Variants in IMMP2L observed in about 807,000 individuals in gnomAD.
The protein encoded by IMMP2L is mitochondrial inner membrane protease subunit 2.
A neutral mutation model predicts 19.3 loss-of-function variants in IMMP2L; 18 were observed. That is an observed-to-expected ratio of 0.93 (90% CI 0.64 to 1.38). The LOEUF (loss-of-function observed/expected upper bound fraction) is 1.38, where lower values mean the gene tolerates loss of function less well. Among genes scored for constraint, IMMP2L ranks in the 40% most tolerant of loss-of-function variants. The pLI is 0.00. For missense variants in IMMP2L, 233 were observed against 218.2 expected (o/e 1.07, Z -0.43); for synonymous variants, 76 against 73.0 (o/e 1.04, Z -0.21).
intron 2 of IMMP2L, among the ~76,000 whole-genome samples, chr7:111,494,136 C>T (rs978658036): frequency 5.3e-5 from 8 of 152,064 alleles, no homozygotes; most frequent in African/African-American, 1.9e-4. Flanking sequence ...ATATTTAAAT[C>T]CTAGATTCCA....
At chr7:111,539,838 T>C (rs944486512) in intron 1 of IMMP2L, among the ~76,000 whole-genome samples, 4 of 152,214 alleles carry the variant, frequency 2.6e-5, no homozygotes, top group African/African-American at 7.2e-5. Context: ...GTCAGCTTTA[T>C]AGGCCTTTCT....
intron 3 of IMMP2L, among the ~76,000 whole-genome samples, chr7:110,963,791 T>A (rs1368987505): frequency 6.6e-6 from 1 of 152,058 alleles, no homozygotes; most frequent in Non-Finnish European, 1.5e-5. Context: ...GTTAAAACTT[T>A]ACAAAAATAA....
chr7:111,546,597 T>C (rs1848955422), intron 1 of IMMP2L, among the ~76,000 whole-genome samples: 1 of 152,168 alleles, frequency 6.6e-6, no homozygotes, highest in African/African-American at 2.4e-5. Flanking sequence ...GTTTTCTTAA[T>C]TCTCAAATTT....
At chr7:110,694,887 A>T (rs1562921755) in intron 5 of IMMP2L, among the ~76,000 whole-genome samples, 1 of 140,728 alleles carries the variant, frequency 7.1e-6, no homozygotes, top group Non-Finnish European at 1.6e-5. Context: ...ATTCATCTAT[A>T]AAAAAAATGA....
intron 3 of IMMP2L, among the ~76,000 whole-genome samples, chr7:111,451,258 C>T (rs1839136044): frequency 6.7e-6 from 1 of 148,690 alleles, no homozygotes; most frequent in Non-Finnish European, 1.5e-5. Flanking sequence ...AAGACACATG[C>T]ACACGTATGT....
chr7:110,959,595 T>TA (rs1286369111), intron 4 of IMMP2L, among the ~76,000 whole-genome samples: 3 of 152,066 alleles, frequency 2.0e-5, no homozygotes, highest in Middle Eastern at 3.4e-3. Flanking sequence ...AAGAAGTTTT[T>TA]AATTTTCTTT....
chr7:111,322,459 A>T (rs1295490840), intron 3 of IMMP2L, among the ~76,000 whole-genome samples: 1 of 151,854 alleles, frequency 6.6e-6, no homozygotes, highest in African/African-American at 2.4e-5. Flanking sequence ...TCTGCTCCAA[A>T]TCAATGAAAT....
chr7:111,485,591 C>G (rs1842569222), intron 3 of IMMP2L, among the ~76,000 whole-genome samples: 1 of 59,374 alleles, frequency 1.7e-5, no homozygotes, highest in Non-Finnish European at 2.8e-5. Flanking sequence ...GAGCGAGACT[C>G]TGTTTCAAAA....
chr7:110,666,295 G>A (rs561871063), intron 5 of IMMP2L, among the ~76,000 whole-genome samples: 1 of 152,030 alleles, frequency 6.6e-6, no homozygotes, highest in African/African-American at 2.4e-5. Context: ...TTGCTTTTGA[G>A]ACAGAGTCTC....
At position 110,728,392 on chromosome 7, in the gene IMMP2L, G is replaced by A. The variant is rs35397706; in HGVS notation, c.409-64671C>T. ...TGTGTGCCTGTAAACCCAGCTACTCGGGAGGCTGAGGCACGAGAATCGCTT... is the reference window on the plus strand; with the variant it reads ...TGTGTGCCTGTAAACCCAGCTACTCAGGAGGCTGAGGCACGAGAATCGCTT... On this transcript the variant is annotated intron_variant, in intron 5 of 5. Transcript: ENST00000405709. The surrounding 1 kb of genome is among the most constrained non-coding windows in gnomAD (Gnocchi z 4.6). Among the ~76,000 whole-genome samples, 20 of 151,728 alleles carry A rather than the reference G, an allele frequency of 1.3e-4. No individual in the cohort carries two copies. The highest frequency in any genetic ancestry group is 2.5e-4 in the Non-Finnish European group (17 of 67,924).
chr7:111,103,581 T>C (rs944629835), intron 3 of IMMP2L, among the ~76,000 whole-genome samples: 2 of 151,636 alleles, frequency 1.3e-5, no homozygotes, highest in Non-Finnish European at 3.0e-5. Context: ...GACATTTAAG[T>C]AGTTCTATTT....
intron 3 of IMMP2L, among the ~76,000 whole-genome samples, chr7:111,399,658 A>G (rs1833235754): frequency 6.6e-6 from 1 of 152,060 alleles, no homozygotes; most frequent in Non-Finnish European, 1.5e-5. Context: ...CCCGGCCTAG[A>G]TGTATTATTA....
chr7:111,324,247 A>T (rs890828461), intron 3 of IMMP2L, among the ~76,000 whole-genome samples: 6 of 152,000 alleles, frequency 3.9e-5, no homozygotes, highest in African/African-American at 1.4e-4. Context: ...GCCCAAAAAC[A>T]CAAAGTGAAA....
chr7:111,480,172 C>T (rs1842057371), intron 3 of IMMP2L, among the ~76,000 whole-genome samples: 2 of 151,674 alleles, frequency 1.3e-5, no homozygotes, highest in Admixed American at 1.3e-4. Context: ...CAAGCTCCGC[C>T]TCCCAGGTTC....
intron 5 of IMMP2L, among the ~76,000 whole-genome samples, chr7:110,770,460 TAAATTA>T (rs1336246091): frequency 1.3e-5 from 2 of 152,202 alleles, no homozygotes; most frequent in African/African-American, 4.8e-5. Context: ...CTTTTCTGAA[TAAATTA>T]AAATTAACAG....
At chr7:110,928,644 T>C (rs1397401770) in intron 4 of IMMP2L, among the ~76,000 whole-genome samples, 4 of 152,080 alleles carry the variant, frequency 2.6e-5, no homozygotes, top group Non-Finnish European at 5.9e-5. Flanking sequence ...GATACTTTCA[T>C]AACAACACTC....
At chr7:111,307,188 T>A (rs556348867) in intron 3 of IMMP2L, among the ~76,000 whole-genome samples, 47 of 151,796 alleles carry the variant, frequency 3.1e-4, no homozygotes, top group African/African-American at 1.1e-3. Flanking sequence ...AAATATTTTA[T>A]TGATATATTC....
chr7:110,934,292 G>T (rs557363161), intron 4 of IMMP2L, among the ~76,000 whole-genome samples: 165 of 152,296 alleles, frequency 1.1e-3, no homozygotes, highest in African/African-American at 3.9e-3. Flanking sequence ...GTGTGATGTG[G>T]TGCTGAGAAG....
chr7:111,064,940 C>A (rs1794357935), intron 3 of IMMP2L, among the ~76,000 whole-genome samples: 1 of 152,146 alleles, frequency 6.6e-6, no homozygotes, highest in Non-Finnish European at 1.5e-5. Context: ...CAGGCCAATC[C>A]AGGCCGGACT....
Sources: gnomAD v4.1 joint callset for allele counts (sites outside exome capture counted in the v4.1 genomes callset) on GRCh38, gnomAD v4.1.1 for gene constraint, Gnocchi (gnomAD v3.1) non-coding constraint, MANE v1.5 for transcripts, NCBI Gene and HGNC (gene_info 2026-07-23, HGNC 2026-07-21) for gene names.